CCDC172: variants seen among roughly 807,000 people sequenced by gnomAD.
CCDC172 encodes coiled-coil domain-containing protein 172.
In CCDC172, 30 loss-of-function variants were observed where a neutral mutation model predicts 38.0. The ratio of observed to expected loss-of-function variants is 0.79; its 90% CI spans 0.59 to 1.07. The LOEUF is 1.07. CCDC172 is among the 50% of genes least tolerant of loss of function. CCDC172 has a pLI of 0.00. For missense variants in CCDC172, 297 were observed against 290.1 expected (o/e 1.02, Z -0.17); for synonymous variants, 78 against 88.3 (o/e 0.88, Z 0.66).
intron 5 of CCDC172, among the ~76,000 whole-genome samples, chr10:116,356,827 A>C (rs551745385): frequency 6.6e-6 from 1 of 152,272 alleles, no homozygotes; most frequent in East Asian, 1.9e-4. Context: ...TTGGAACTTT[A>C]TTTCACTAAG....
chr10:116,369,886 T>C (rs1318196462), intron 7 of CCDC172, among the ~76,000 whole-genome samples: 1 of 152,002 alleles, frequency 6.6e-6, no homozygotes, highest in East Asian at 1.9e-4. Flanking sequence ...GTCAAGTTTT[T>C]GAAGTTTTGC....
rs1218632088 is a variant in CCDC172, at chr10:116,357,234, T to C, written c.449-146T>C. 2.4e-5 allele frequency: 13 copies of C among 539,778 alleles called. No individual in the cohort carries two copies. The South Asian group carries it at 2.6e-4, about 11-fold the overall frequency. 33.4% of individuals were successfully genotyped at this position (539,778 alleles called of 1,614,324 possible). A position where few individuals can be genotyped will look rare whatever the true frequency, so the allele number is the denominator to read the frequency against. Reference sequence around the variant, plus strand: ...TAACAACGTTAATTCTTCCAATCCATAGACATGGATATCTTTTCACTTATT... The same window carrying C: ...TAACAACGTTAATTCTTCCAATCCACAGACATGGATATCTTTTCACTTATT... On this transcript the variant is annotated intron_variant, in intron 5 of 8. Transcript: ENST00000333254.
chr10:116,350,186 C>A lies in CCDC172; in HGVS notation c.449-7194C>A, dbSNP rs554916819. 1.5e-4 allele frequency among the ~76,000 whole-genome samples: 23 copies of A among 152,264 alleles called. No individual in the cohort carries two copies. In the East Asian group the frequency reaches 4.4e-3, roughly 29 times the overall value. ...AGTGAGATGAGAAGCCATTGGAGGA[C>A]TTAAGCAAAAGAGCGAAGGGTCTCA... On this transcript the variant is annotated intron_variant, in intron 5 of 8. Coordinates refer to ENST00000333254, the MANE Select transcript of CCDC172 (RefSeq NM_198515.3).
In CCDC172 at chr10:116,379,438, T is replaced by C; in HGVS notation, c.*80T>C. On this transcript the variant is annotated 3_prime_UTR_variant, in exon 9 of 9. Transcript: ENST00000333254. ...ATCTTTGTGATAGATATATGAATGG[T>C]ACCCGTTACAACGGATCCTTGTGGG... 9 of 913,774 alleles carry C rather than the reference T, an allele frequency of 9.8e-6. No individual in the cohort carries two copies. The South Asian group carries it at 1.2e-4, about 13-fold the overall frequency. The allele number at this position is 913,774 out of a possible 1,614,324, so 56.6% of individuals were successfully genotyped here. A position where few individuals can be genotyped will look rare whatever the true frequency, so the allele number is the denominator to read the frequency against.
chr10:116,340,585 A>G (rs1844779777), intron 3 of CCDC172, 149 bp from the exon 4 acceptor site: 2 of 540,202 alleles, frequency 3.7e-6, no homozygotes, highest in Non-Finnish European at 6.5e-6. Flanking sequence ...AGTGTATATA[A>G]AATAAGATGT....
chr10:116,345,128 G>A (rs1421903540), intron 5 of CCDC172, among the ~76,000 whole-genome samples: 1 of 152,156 alleles, frequency 6.6e-6, no homozygotes, highest in African/African-American at 2.4e-5. Context: ...TAGTAATCAA[G>A]ATAATGTGTC....
At chr10:116,344,776 T>C (rs1844844054) in intron 5 of CCDC172, among the ~76,000 whole-genome samples, 1 of 151,970 alleles carries the variant, frequency 6.6e-6, no homozygotes, top group Non-Finnish European at 1.5e-5. Context: ...TTAAAACACA[T>C]GTTGTATGAA....
intron 3 of CCDC172, among the ~76,000 whole-genome samples, chr10:116,340,068 A>G (rs4636575): frequency 0.094 from 14,275 of 151,902 alleles, 925 homozygotes; most frequent in East Asian, 0.23. Context: ...AAAGCTTCCT[A>G]ACTTCATTTC....
chr10:116,374,675 A>G (rs1845225326), intron 7 of CCDC172, among the ~76,000 whole-genome samples: 1 of 152,156 alleles, frequency 6.6e-6, no homozygotes, highest in Non-Finnish European at 1.5e-5. Context: ...AGCAGGTAGA[A>G]AGAGAGGGAA....
intron 5 of CCDC172, among the ~76,000 whole-genome samples, chr10:116,355,085 G>A (rs771856399): frequency 6.6e-6 from 1 of 152,218 alleles, no homozygotes; most frequent in Non-Finnish European, 1.5e-5. Flanking sequence ...TTAAAGTAGT[G>A]TAGCCTAAGC....
intron 7 of CCDC172, among the ~76,000 whole-genome samples, chr10:116,377,546 T>C (rs1242265045): frequency 1.3e-5 from 2 of 152,202 alleles, no homozygotes; most frequent in African/African-American, 2.4e-5. Context: ...TGCTTTTTCA[T>C]GTTAAAAAAT....
intron 7 of CCDC172, among the ~76,000 whole-genome samples, chr10:116,368,309 T>C (rs945113067): frequency 6.6e-6 from 1 of 152,134 alleles, no homozygotes; most frequent in East Asian, 1.9e-4. Flanking sequence ...CCTCCTTGAA[T>C]CAGTTATTAC....
In CCDC172 at chr10:116,344,992, T is replaced by C. The variant is rs74800958; in HGVS notation, c.448+2791T>C. ...GAAGGTCTTCAGGGACATGGAGCTATCATCTTCTATGAGAACAATGCCTTT... is the reference window on the plus strand; with the variant it reads ...GAAGGTCTTCAGGGACATGGAGCTACCATCTTCTATGAGAACAATGCCTTT... On this transcript the variant is annotated intron_variant, in intron 5 of 8. Transcript: ENST00000333254. 9.5e-4 allele frequency among the ~76,000 whole-genome samples: 145 copies of C among 152,204 alleles called. 2 individuals are homozygous for C. The East Asian group carries it at 0.027, about 29-fold the overall frequency.
intron 5 of CCDC172, 133 bp from the exon 6 acceptor site, chr10:116,357,247 C>CTTTCCT: frequency 1.7e-6 from 1 of 571,694 alleles, no homozygotes; most frequent in Non-Finnish European, 3.0e-6. Context: ...ACATGGATAT[C>CTTTCCT]TTTTCACTTA....
At chr10:116,330,963 C>T (rs1403682610) in intron 3 of CCDC172, among the ~76,000 whole-genome samples, 1 of 152,098 alleles carries the variant, frequency 6.6e-6, no homozygotes, top group Non-Finnish European at 1.5e-5. Flanking sequence ...TAGTTTTGAA[C>T]TCCTGGCCTC....
At chr10:116,353,856 G>T (rs1339881763) in intron 5 of CCDC172, among the ~76,000 whole-genome samples, 1 of 152,164 alleles carries the variant, frequency 6.6e-6, no homozygotes, top group African/African-American at 2.4e-5. Context: ...TATAATAAAG[G>T]TGGACAGCAA....
At chr10:116,369,000 C>A (rs943940036) in intron 7 of CCDC172, among the ~76,000 whole-genome samples, 1 of 152,012 alleles carries the variant, frequency 6.6e-6, no homozygotes, top group African/African-American at 2.4e-5. Flanking sequence ...TGTACCCCCA[C>A]TAACAACAAG....
chr10:116,342,846 A>G (rs74624468), intron 5 of CCDC172, among the ~76,000 whole-genome samples: 4,292 of 152,126 alleles, frequency 0.028, 204 homozygotes, highest in African/African-American at 0.097. Context: ...TGCTCTGGCC[A>G]TGTAAGATGT....
intron 5 of CCDC172, among the ~76,000 whole-genome samples, chr10:116,350,437 G>C (rs780409006): frequency 6.6e-6 from 1 of 152,148 alleles, no homozygotes; most frequent in Non-Finnish European, 1.5e-5. Flanking sequence ...AGAGAAATAA[G>C]TGTTAAGGTT....
Sources: gnomAD v4.1 joint callset for allele counts (sites outside exome capture counted in the v4.1 genomes callset) on GRCh38, gnomAD v4.1.1 for gene constraint, MANE v1.5 for transcripts, NCBI Gene and HGNC (gene_info 2026-07-23, HGNC 2026-07-21) for gene names.